The following GPC6 variants were observed in gnomAD, a reference collection of about 807,000 sequenced individuals.
GPC6 encodes glypican-6.
In GPC6, 14 loss-of-function variants were observed where a neutral mutation model predicts 55.2. The ratio of observed to expected loss-of-function variants is 0.25; its 90% CI spans 0.17 to 0.40. The LOEUF is 0.40. GPC6 is among the 10% of genes least tolerant of loss of function. The pLI is 1.00. For synonymous variants in GPC6, 278 were observed against 259.6 expected (o/e 1.07, Z -0.68); for missense variants, 641 against 708.5 (o/e 0.90, Z 1.08).
At chr13:93,921,540 T>C (rs764260603) in intron 3 of GPC6, among the ~76,000 whole-genome samples, 1 of 152,066 alleles carries the variant, frequency 6.6e-6, no homozygotes, top group African/African-American at 2.4e-5. Flanking sequence ...GATCTTCCCC[T>C]GGATTTCAGC....
chr13:94,107,187 T>C (rs1030165887), intron 4 of GPC6, among the ~76,000 whole-genome samples: 2 of 151,958 alleles, frequency 1.3e-5, no homozygotes, highest in Admixed American at 1.3e-4. Context: ...GAAGTGAAAA[T>C]ATTGCAGAGG....
At chr13:93,363,548 G>A (rs533191501) in intron 1 of GPC6, among the ~76,000 whole-genome samples, 3 of 151,478 alleles carry the variant, frequency 2.0e-5, no homozygotes, top group Admixed American at 2.0e-4. Context: ...TGGACATTTG[G>A]GTTGGTTCCA....
At chr13:94,377,158 A>T (rs1879907192) in intron 6 of GPC6, among the ~76,000 whole-genome samples, 9 of 151,236 alleles carry the variant, frequency 6.0e-5, no homozygotes, top group South Asian at 2.1e-4. Context: ...TTCATGTCTA[A>T]AACACCAAAA....
intron 4 of GPC6, among the ~76,000 whole-genome samples, chr13:94,161,948 C>A (rs1888183173): frequency 6.6e-6 from 1 of 152,002 alleles, no homozygotes; most frequent in Non-Finnish European, 1.5e-5. Context: ...GGGAGCCAAG[C>A]AAAAGGGGAA....
chr13:94,171,252 A>G (rs1046978806), intron 4 of GPC6, among the ~76,000 whole-genome samples: 3 of 152,190 alleles, frequency 2.0e-5, no homozygotes, highest in African/African-American at 7.2e-5. Context: ...TTCTCATCCT[A>G]TAGCAAATTT....
At chr13:93,950,316 G>T (rs1029718806) in intron 3 of GPC6, among the ~76,000 whole-genome samples, 1 of 152,188 alleles carries the variant, frequency 6.6e-6, no homozygotes. Context: ...ATTTATGATA[G>T]TAACTGGTGA....
intron 4 of GPC6, among the ~76,000 whole-genome samples, chr13:94,194,900 T>C (rs1012893248): frequency 1.3e-5 from 2 of 151,960 alleles, no homozygotes; most frequent in Non-Finnish European, 2.9e-5. Flanking sequence ...TGTAGATGAG[T>C]ATATTTATAT....
chr13:94,039,864 C>G (rs1333539213), intron 4 of GPC6, among the ~76,000 whole-genome samples: 1 of 151,860 alleles, frequency 6.6e-6, no homozygotes, highest in Non-Finnish European at 1.5e-5. Context: ...CTGCTAATCA[C>G]TGTGTACTCT....
intron 4 of GPC6, among the ~76,000 whole-genome samples, chr13:94,179,430 C>T (rs542294404): frequency 3.3e-4 from 50 of 152,156 alleles, no homozygotes; most frequent in Admixed American, 2.7e-3. Context: ...TACCCAGTTT[C>T]CTGACTCAGG....
At chr13:93,675,202 T>C (rs1401703970) in intron 2 of GPC6, among the ~76,000 whole-genome samples, 3 of 152,166 alleles carry the variant, frequency 2.0e-5, no homozygotes, top group Non-Finnish European at 4.4e-5. Flanking sequence ...CTAATGTTTA[T>C]GCAACTCCAG....
At chr13:94,208,255 A>G (rs983122068) in intron 4 of GPC6, among the ~76,000 whole-genome samples, 1 of 152,186 alleles carries the variant, frequency 6.6e-6, no homozygotes, top group African/African-American at 2.4e-5. Context: ...GTTTTTGGGT[A>G]AAGCACCTAG....
chr13:93,389,511 A>T (rs1209096032), intron 1 of GPC6, among the ~76,000 whole-genome samples: 1 of 151,698 alleles, frequency 6.6e-6, no homozygotes, highest in Non-Finnish European at 1.5e-5. Context: ...CTCAAAAAAA[A>T]AAAAAAAATT....
At chr13:94,297,156 C>T (rs185601499) in intron 5 of GPC6, among the ~76,000 whole-genome samples, 2 of 152,000 alleles carry the variant, frequency 1.3e-5, no homozygotes, top group Admixed American at 6.6e-5. Flanking sequence ...GTGAGTTGCC[C>T]CTGTGGGTGT....
intron 1 of GPC6, among the ~76,000 whole-genome samples, chr13:93,248,902 G>T (rs192772432): frequency 6.6e-6 from 1 of 152,304 alleles, no homozygotes; most frequent in East Asian, 1.9e-4. Context: ...GGCTTTCATA[G>T]CATTCGAGGC....
chr13:94,063,475 A>T (rs1884407915), intron 4 of GPC6, among the ~76,000 whole-genome samples: 1 of 152,100 alleles, frequency 6.6e-6, no homozygotes, highest in South Asian at 2.1e-4. Context: ...ATTTTTTTTA[A>T]ATCTGATTAT....
chr13:93,756,995 T>G (rs1054531777), intron 2 of GPC6, among the ~76,000 whole-genome samples: 27 of 152,286 alleles, frequency 1.8e-4, no homozygotes, highest in African/African-American at 6.5e-4. Context: ...GTGGCACATT[T>G]TACATCGCAA....
At chr13:93,445,414 T>C (rs1877965385) in intron 1 of GPC6, among the ~76,000 whole-genome samples, 2 of 152,180 alleles carry the variant, frequency 1.3e-5, no homozygotes, top group Admixed American at 1.3e-4. Context: ...TTAAACTAAA[T>C]TGCAATTCTA....
chr13:93,794,456 C>T (rs902068305), intron 2 of GPC6, among the ~76,000 whole-genome samples: 2 of 152,220 alleles, frequency 1.3e-5, no homozygotes, highest in African/African-American at 4.8e-5. Context: ...CAGTGCCTCA[C>T]TCTCTCACTT....
chr13:94,092,717 C>T (rs563207854), intron 4 of GPC6, among the ~76,000 whole-genome samples: 1 of 152,282 alleles, frequency 6.6e-6, no homozygotes, highest in East Asian at 1.9e-4. Context: ...CTGTTTTCTA[C>T]AGTGGCTATA....
Sources: allele counts gnomAD v4.1 joint callset (sites outside exome capture counted in the v4.1 genomes callset), GRCh38; gene constraint gnomAD v4.1.1; transcripts MANE v1.5; gene names NCBI Gene and HGNC (gene_info 2026-07-23, HGNC 2026-07-21).